The following ROR1 variants were observed in gnomAD, a reference collection of about 807,000 sequenced individuals.
ROR1 encodes ROR family WNT receptor 1, also known as inactive tyrosine-protein kinase transmembrane receptor ROR1.
In ROR1, 19 loss-of-function variants were observed where a neutral mutation model predicts 78.8. The ratio of observed to expected loss-of-function variants is 0.24; its 90% CI spans 0.17 to 0.35. The LOEUF is 0.35. ROR1 is among the 10% of genes least tolerant of loss of function. ROR1 has a pLI of 1.00. For synonymous variants in ROR1, 386 were observed against 433.6 expected (o/e 0.89, Z 1.36); for missense variants, 917 against 1,177.8 (o/e 0.78, Z 3.24).
rs113516635 is a variant in ROR1, at chr1:64,046,295, C to CTGAAGGTCTATTA, written c.164-3396_164-3395insTGAAGGTCTATTA. ...CTTTGCTGGGATGCCCAGGTGTTCT[C>CTGAAGGTCTATTA]GTTCTGCTTACTAAGTAAGCAGCTA... On this transcript the variant is annotated intron_variant, in intron 2 of 8. Coordinates refer to ENST00000371079, the MANE Select transcript of ROR1 (RefSeq NM_005012.4). Among the ~76,000 whole-genome samples, 588 of 152,278 alleles carry CTGAAGGTCTATTA rather than the reference C, an allele frequency of 3.9e-3. 7 individuals carry two copies. Among genetic ancestry groups the CTGAAGGTCTATTA allele is most frequent in the African/African-American group, 0.013 (559 of 41,540 alleles).
intron 4 of ROR1, among the ~76,000 whole-genome samples, chr1:64,115,411 A>ATTTT (rs959942468): frequency 1.3e-5 from 2 of 151,468 alleles, no homozygotes; most frequent in African/African-American, 4.8e-5. Flanking sequence ...TTATTTATTT[A>ATTTT]TTTTGTAGAG....
chr1:63,996,613 CAT>C (rs1646338832), intron 1 of ROR1, among the ~76,000 whole-genome samples: 3 of 152,288 alleles, frequency 2.0e-5, no homozygotes, highest in Non-Finnish European at 2.9e-5. Context: ...CCCTCAATCC[CAT>C]GAACTTAAAC....
intron 1 of ROR1, among the ~76,000 whole-genome samples, chr1:63,901,030 T>C (rs924590753): frequency 2.0e-5 from 3 of 152,102 alleles, no homozygotes; most frequent in Non-Finnish European, 4.4e-5. Context: ...AGGGGTTACA[T>C]AACCTGCAGG....
intron 1 of ROR1, among the ~76,000 whole-genome samples, chr1:63,909,536 T>G (rs545324576): frequency 6.6e-6 from 1 of 152,074 alleles, no homozygotes; most frequent in Non-Finnish European, 1.5e-5. Context: ...CATAGCTATT[T>G]TACCCTCAAC....
intron 1 of ROR1, among the ~76,000 whole-genome samples, chr1:63,938,024 C>CAGCTGAG (rs1318931151): frequency 3.9e-5 from 6 of 152,256 alleles, no homozygotes; most frequent in Admixed American, 2.6e-4. Context: ...TTTCCAGTCT[C>CAGCTGAG]AGCTGAGATT....
At chr1:64,142,896 C>T in intron 7 of ROR1, 2 of 1,336,354 alleles carry the variant, frequency 1.5e-6, no homozygotes, top group Non-Finnish European at 1.9e-6. Context: ...GTAACAGGGA[C>T]CCAGCCCTTC....
intron 7 of ROR1, among the ~76,000 whole-genome samples, chr1:64,152,338 C>A (rs1451987309): frequency 6.6e-6 from 1 of 152,188 alleles, no homozygotes; most frequent in East Asian, 1.9e-4. Context: ...TCCTTTAGAG[C>A]CCTCCTTAAA....
intron 2 of ROR1, among the ~76,000 whole-genome samples, chr1:64,031,480 G>C (rs1646659201): frequency 6.6e-6 from 1 of 152,210 alleles, no homozygotes; most frequent in Non-Finnish European, 1.5e-5. Flanking sequence ...GATGATTCAT[G>C]TGTGAAAATG....
chr1:63,990,824 A>T (rs1038962837), intron 1 of ROR1, among the ~76,000 whole-genome samples: 1 of 152,210 alleles, frequency 6.6e-6, no homozygotes, highest in Non-Finnish European at 1.5e-5. Context: ...AGTGAAGGAG[A>T]GGGAGGAGTA....
intron 1 of ROR1, among the ~76,000 whole-genome samples, chr1:63,781,626 G>T (rs1234256637): frequency 6.6e-6 from 1 of 152,188 alleles, no homozygotes; most frequent in African/African-American, 2.4e-5. Flanking sequence ...GGATTAGAGG[G>T]TCAGAGGAAG....
chr1:64,050,604 T>C (rs1267509628), intron 3 of ROR1, 82 bp from the exon 4 acceptor site: 4 of 1,311,274 alleles, frequency 3.1e-6, no homozygotes, highest in Non-Finnish European at 4.4e-6. Flanking sequence ...GAACTTTAAT[T>C]TGTAATGATT....
At chr1:64,082,727 C>T (rs115789381) in intron 4 of ROR1, among the ~76,000 whole-genome samples, 322 of 152,278 alleles carry the variant, frequency 2.1e-3, no homozygotes, top group Non-Finnish European at 3.4e-3. Flanking sequence ...CACGTGGGCT[C>T]CCCACTAGGC....
At chr1:63,842,750 G>A (rs1645056676) in intron 1 of ROR1, among the ~76,000 whole-genome samples, 2 of 152,096 alleles carry the variant, frequency 1.3e-5, no homozygotes, top group Non-Finnish European at 2.9e-5. Flanking sequence ...AGGGGAAAAG[G>A]GAGAGGAACC....
At chr1:63,891,718 A>AT (rs1399755239) in intron 1 of ROR1, among the ~76,000 whole-genome samples, 3 of 152,116 alleles carry the variant, frequency 2.0e-5, no homozygotes, top group African/African-American at 7.2e-5. Context: ...AGATGGGTGA[A>AT]TTTGATGTCA....
intron 4 of ROR1, among the ~76,000 whole-genome samples, chr1:64,065,918 C>T (rs924382428): frequency 1.3e-5 from 2 of 152,222 alleles, no homozygotes; most frequent in East Asian, 3.8e-4. Context: ...TGGGATCACC[C>T]TGTGCCTTTC....
Position 63,901,669 on chromosome 1 carries a change from AT to A in ROR1, c.92-107627del, listed in dbSNP as rs573715930. ...TGTAGAGTAAAACCTCTCTTTATTA[AT>A]TTTTTTTTCTTAAAGGATACATTAG... On this transcript the variant is annotated intron_variant, in intron 1 of 8. Coordinates refer to ENST00000371079, the MANE Select transcript of ROR1 (RefSeq NM_005012.4). Among the ~76,000 whole-genome samples, 10 of 150,376 alleles carry A rather than the reference AT, an allele frequency of 6.7e-5. No individual in the cohort carries two copies. The South Asian group carries it at 1.1e-3, about 16-fold the overall frequency.
chr1:63,863,757 TATTG>T lies in ROR1; in HGVS notation c.91+89250_91+89253del, dbSNP rs1645197068. 2.0e-5 allele frequency among the ~76,000 whole-genome samples: 3 copies of T among 149,090 alleles called. No homozygotes were observed. The East Asian group carries it at 5.9e-4, about 29-fold the overall frequency. The stretch of plus-strand genomic sequence containing the variant: ...TATTGTATTGTATTGTATTGTATTG[TATTG>T]TATTGTATTGTATTGTATTGTATTG... On this transcript the variant is annotated intron_variant, in intron 1 of 8. Coordinates refer to ENST00000371079, the MANE Select transcript of ROR1 (RefSeq NM_005012.4).
At chr1:63,783,672 G>A (rs76451952) in intron 1 of ROR1, among the ~76,000 whole-genome samples, 1,980 of 152,240 alleles carry the variant, frequency 0.013, 42 homozygotes, top group African/African-American at 0.045. Flanking sequence ...AATACAAGAC[G>A]AACTGTCTTG....
intron 4 of ROR1, chr1:64,106,914 C>T (rs907637458): frequency 2.0e-5 from 3 of 152,328 alleles, no homozygotes. Flanking sequence ...GTAAACCTGC[C>T]AGTTTATGCA....
Sources: allele counts gnomAD v4.1 joint callset (sites outside exome capture counted in the v4.1 genomes callset), GRCh38; gene constraint gnomAD v4.1.1; transcripts MANE v1.5; gene names NCBI Gene and HGNC (gene_info 2026-07-23, HGNC 2026-07-21).